Variants in GREB1 observed in about 807,000 individuals in gnomAD.
GREB1 encodes the protein protein GREB1.
Under a neutral mutation model 200.7 loss-of-function variants are expected in GREB1, and 106 were observed. The observed-to-expected ratio is 0.53, with a 90% CI of 0.45 to 0.62. The LOEUF (loss-of-function observed/expected upper bound fraction) is 0.62. Ranked by LOEUF, GREB1 falls within the 20% of genes least tolerant of loss-of-function variation. GREB1 has a pLI of 0.00. For missense variants in GREB1, 2,243 were observed against 2,556.8 expected (o/e 0.88, Z 2.65); for synonymous variants, 1,132 against 1,092.4 (o/e 1.04, Z -0.72).
At chr2:11,636,453 A>G (rs1685321848) in intron 30 of GREB1, among the ~76,000 whole-genome samples, 1 of 152,206 alleles carries the variant, frequency 6.6e-6, no homozygotes, top group African/African-American at 2.4e-5. Context: ...AAAGCTAGTC[A>G]TGTCTTACAG....
intron 1 of GREB1, among the ~76,000 whole-genome samples, chr2:11,503,739 T>A (rs375943503): frequency 6.6e-6 from 1 of 152,220 alleles, no homozygotes; most frequent in Non-Finnish European, 1.5e-5. Context: ...TGATTGCTGA[T>A]GAGATTGCTC....
chr2:11,525,844 C>T (rs757474644), intron 1 of GREB1, among the ~76,000 whole-genome samples: 4 of 152,190 alleles, frequency 2.6e-5, no homozygotes, highest in Non-Finnish European at 5.9e-5. Context: ...TCACCTCCTG[C>T]CTGGACTCTC....
At chr2:11,566,902 T>C (rs987513947) in intron 4 of GREB1, among the ~76,000 whole-genome samples, 2 of 152,208 alleles carry the variant, frequency 1.3e-5, no homozygotes, top group Non-Finnish European at 2.9e-5. Flanking sequence ...TTCATACATT[T>C]ATTCCTCAAA....
chr2:11,625,131 C>A, intron 23 of GREB1, 23 bp from the exon 24 acceptor site: 2 of 1,595,404 alleles, frequency 1.3e-6, no homozygotes, highest in South Asian at 1.1e-5. Context: ...TTTGTCACAT[C>A]TATGTTTCTA....
rs531511917 is a variant in GREB1, at chr2:11,631,262, T to C, written c.4612-647T>C. Among the ~76,000 whole-genome samples, 143 of 152,268 alleles carry C rather than the reference T, an allele frequency of 9.4e-4. 2 individuals carry two copies. The highest frequency in any genetic ancestry group is 3.3e-3 in the African/African-American group (138 of 41,554). On this transcript the variant is annotated intron_variant, in intron 26 of 32. Transcript: ENST00000381486. Reference sequence around the variant, plus strand: ...AAGAAGGAGTTGAAGAAAACAGTTATTTACATAAAAGATATAACAACCCGA... The same window carrying C: ...AAGAAGGAGTTGAAGAAAACAGTTACTTACATAAAAGATATAACAACCCGA...
chr2:11,619,705 A>G (rs1259522377), intron 22 of GREB1, among the ~76,000 whole-genome samples: 1 of 151,952 alleles, frequency 6.6e-6, no homozygotes, highest in Non-Finnish European at 1.5e-5. Context: ...CTTCTTTTTC[A>G]GTGATTTTCT....
chr2:11,636,941 TGGGCAGGGACAGAGGCAG>T (rs1319727095), intron 30 of GREB1, among the ~76,000 whole-genome samples: 3 of 26,706 alleles, frequency 1.1e-4, no homozygotes, highest in Non-Finnish European at 1.6e-4. Flanking sequence ...GGCAGGGTCA[TGGGCAGGGACAGAGGCAG>T]GGGCAGGGAC....
chr2:11,621,184 T>G (rs1683984722), intron 23 of GREB1, among the ~76,000 whole-genome samples, 177 bp downstream of exon 23: 1 of 151,676 alleles, frequency 6.6e-6, no homozygotes, highest in East Asian at 1.9e-4. Context: ...GTATCAGGCT[T>G]TTGCTGTAGT....
intron 1 of GREB1, among the ~76,000 whole-genome samples, chr2:11,538,949 G>C (rs1266081352): frequency 2.1e-4 from 2 of 9,754 alleles, no homozygotes; most frequent in African/African-American, 5.1e-4. Flanking sequence ...CTCCCCTCGT[G>C]TCCCCTCCCC....
chr2:11,578,566 A>C, intron 6 of GREB1, 135 bp downstream of exon 6: 1 of 841,264 alleles, frequency 1.2e-6, no homozygotes, highest in Non-Finnish European at 1.8e-6. Context: ...TAACACCTTT[A>C]CTTTCATCTT....
intron 19 of GREB1, among the ~76,000 whole-genome samples, chr2:11,613,949 C>T (rs376157400): frequency 2.0e-5 from 3 of 152,140 alleles, no homozygotes; most frequent in Non-Finnish European, 2.9e-5. Flanking sequence ...GTTTCTGCTG[C>T]GCAAGTCTGA....
intron 4 of GREB1, among the ~76,000 whole-genome samples, chr2:11,567,057 C>G (rs1677746951): frequency 6.6e-6 from 1 of 152,106 alleles, no homozygotes; most frequent in African/African-American, 2.4e-5. Context: ...TGCCAGGCAC[C>G]CTGTATCTGT....
chr2:11,640,600 C>A lies in GREB1; in HGVS notation c.*146C>A. 1.2e-6 allele frequency: 1 copy of A among 862,356 alleles called. No homozygotes were observed. The highest frequency in any genetic ancestry group is 1.7e-5 in the South Asian group (1 of 59,752). 53.4% of individuals were successfully genotyped at this position (862,356 alleles called of 1,614,324 possible). A position where few individuals can be genotyped will look rare whatever the true frequency, so the allele number is the denominator to read the frequency against. On this transcript the variant is annotated 3_prime_UTR_variant, in exon 33 of 33. Coordinates refer to ENST00000381486, the MANE Select transcript of GREB1 (RefSeq NM_014668.4). The surrounding 1 kb of genome is among the most constrained non-coding windows in gnomAD (Gnocchi z 4.6). ...TGCAGCCCCTCCTAGTACACATGGGCCCCCGAGGCCGTGGTCCTGGGAGCC... is the reference window on the plus strand; with the variant it reads ...TGCAGCCCCTCCTAGTACACATGGGACCCCGAGGCCGTGGTCCTGGGAGCC...
rs947342577 is a variant in GREB1 at position 11,553,709 on chromosome 2, C to A, written c.-161-2745C>A. Among the ~76,000 whole-genome samples the A allele has an allele frequency of 2.0e-5, 3 of 152,080 alleles. No individual in the cohort carries two copies. In the East Asian group the frequency reaches 5.8e-4, roughly 29 times the overall value. ...TAGGGAGTGTGCCCAGTGTCTTGCA[C>A]GCAGTGGCTGGACAGTGGATATTAT... On this transcript the variant is annotated intron_variant, in intron 1 of 32. Transcript: ENST00000381486.
chr2:11,613,218 C>G (rs1201660671), intron 19 of GREB1, among the ~76,000 whole-genome samples: 1 of 152,174 alleles, frequency 6.6e-6, no homozygotes, highest in Non-Finnish European at 1.5e-5. Flanking sequence ...TAGGCCACCA[C>G]ACAGACATGC....
At chr2:11,601,091 A>C in intron 16 of GREB1, 96 bp downstream of exon 16, 1 of 963,840 alleles carries the variant, frequency 1.0e-6, no homozygotes, top group Non-Finnish European at 1.5e-6. Flanking sequence ...GTGGTTGAGG[A>C]TAATGGGTTC....
At chr2:11,635,944 C>T (rs551824477) in intron 30 of GREB1, among the ~76,000 whole-genome samples, 1 of 152,330 alleles carries the variant, frequency 6.6e-6, no homozygotes, top group Admixed American at 6.5e-5. Context: ...CCGAAGTTCT[C>T]CCCAGTCCCG....
intron 1 of GREB1, among the ~76,000 whole-genome samples, chr2:11,498,332 A>G (rs1672944013): frequency 6.6e-6 from 1 of 152,040 alleles, no homozygotes; most frequent in South Asian, 2.1e-4. Context: ...GCCTGTAGAT[A>G]CCCAGTTGTT....
intron 11 of GREB1, among the ~76,000 whole-genome samples, chr2:11,593,829 G>T (rs1473028573): frequency 6.6e-6 from 1 of 152,074 alleles, no homozygotes; most frequent in African/African-American, 2.4e-5. Flanking sequence ...TGTTCTAGAG[G>T]CTGGGGGCCC....
Sources: gnomAD v4.1 joint callset for allele counts (sites outside exome capture counted in the v4.1 genomes callset) on GRCh38, gnomAD v4.1.1 for gene constraint, Gnocchi (gnomAD v3.1) non-coding constraint, MANE v1.5 for transcripts, NCBI Gene and HGNC (gene_info 2026-07-23, HGNC 2026-07-21) for gene names.